The following GP2 variants were observed in gnomAD, a reference collection of about 807,000 sequenced individuals.
GP2 encodes the protein glycoprotein 2, also known as pancreatic secretory granule membrane major glycoprotein GP2.
A neutral mutation model predicts 60.8 loss-of-function variants in GP2; 58 were observed. That is an observed-to-expected ratio of 0.95 (90% CI 0.77 to 1.19). GP2 has a LOEUF of 1.19. GP2 is among the 50% of genes most tolerant of loss of function. GP2 has a pLI of 0.00. For missense variants in GP2, 647 were observed against 667.4 expected, an observed-to-expected ratio of 0.97 and a Z score of 0.34; for synonymous variants, 280 against 253.4, an observed-to-expected ratio of 1.10 and a Z score of -1.00.
In GP2 at chr16:20,323,775, A is replaced by T. The variant is rs1313145088; in HGVS notation, c.535+41T>A. ...CTCTACTGAGCCTGGGAGGCATCTC[A>T]TTGGCTGTGTAGCTGCCTCCTCCAG... On this transcript the variant is annotated intron_variant, in intron 3 of 10. Transcript: ENST00000302555. 3.0e-6 allele frequency: 4 copies of T among 1,341,802 alleles called. No individual in the cohort carries two copies. In the African/African-American group the frequency reaches 5.7e-5, roughly 19 times the overall value. The allele number at this position is 1,341,802 out of a possible 1,614,324, so 83.1% of individuals were successfully genotyped here. A position where few individuals can be genotyped will look rare whatever the true frequency, so the allele number is the denominator to read the frequency against.
rs138458214 is a variant in GP2, at chr16:20,311,268, G to C, written c.1560C>G (p.Ala520=). 6.2e-7 allele frequency: 1 copy of C among 1,606,088 alleles called. No homozygotes were observed. The highest frequency in any genetic ancestry group is 1.7e-5 in the Admixed American group (1 of 60,000). The change falls in exon 11 of 11, where the codon GCC becomes GCG. Residue 520 remains alanine, a synonymous_variant. Coordinates refer to ENST00000302555, the MANE Select transcript of GP2 (RefSeq NM_001502.4). ...GTPSTAGFLV[A]WPMVLLTVLL... ...GGACAGTCAGGAGGACCATAGGCCA[G>C]GCCACCAGGAACCCTGAAATACAAG...
In GP2 at chr16:20,320,456, G is replaced by T; in HGVS notation, c.664C>A (p.Pro222Thr). The change falls in exon 5 of 11, where the codon CCT becomes ACT. Residue 222 changes from proline to threonine, a missense_variant. Coordinates refer to ENST00000302555, the MANE Select transcript of GP2 (RefSeq NM_001502.4). ...TCCCTGGGCCCACAGTCTAGCTGAG[G>T]CTGCAAACTGTGGACATCTGCAAAG... ...LNSSDVHSLQ[P>T]QLDCGPREIK... 3.1e-6 allele frequency: 5 copies of T among 1,612,992 alleles called. No homozygotes were observed. The highest frequency in any genetic ancestry group is 4.2e-6 in the Non-Finnish European group (5 of 1,179,036).
chr16:20,326,531 G>A (rs1409791772), intron 1 of GP2, 64 bp from the exon 2 acceptor site: 27 of 1,309,432 alleles, frequency 2.1e-5, no homozygotes, highest in Middle Eastern at 1.9e-4. Context: ...AAACAGATCC[G>A]TTGACTTCCT....
intron 10 of GP2, among the ~76,000 whole-genome samples, chr16:20,312,012 C>T (rs1223825575): frequency 2.6e-5 from 4 of 152,334 alleles, no homozygotes; most frequent in African/African-American, 7.2e-5. Context: ...ATATTAATAG[C>T]AGCTGTGACT....
At chr16:20,319,194 A>G (rs893212265) in intron 6 of GP2, among the ~76,000 whole-genome samples, 1 of 152,136 alleles carries the variant, frequency 6.6e-6, no homozygotes, top group African/African-American at 2.4e-5. Flanking sequence ...CACCACCAAC[A>G]GGGGTCTGGA....
rs1334271138 is a variant in GP2 at position 20,324,033 on chromosome 16, G to T, written c.318C>A (p.Thr106=). The change falls in exon 3 of 11, where the codon ACC becomes ACA. Residue 106 remains threonine (T), a synonymous_variant. Coordinates refer to ENST00000302555, the MANE Select transcript of GP2 (RefSeq NM_001502.4). ...VGEGGVRMSE[T]CVQVHRCQTD... ...TCTGGCATCGGTGCACCTGGACACA[G>T]GTCTCCGACATCCTTACTCCTCCTT... is the stretch of plus-strand genomic sequence containing the variant. 8 of 1,613,886 alleles carry T rather than the reference G, an allele frequency of 5.0e-6. No individual in the cohort carries two copies. The highest frequency in any genetic ancestry group is 6.8e-6 in the Non-Finnish European group (8 of 1,179,828).
rs1278578919 is a variant in GP2 at position 20,318,388 on chromosome 16, G to A, written c.1050C>T (p.Val350=). The change falls in exon 7 of 11, where the codon GTC becomes GTT. Residue 350 remains valine, a synonymous_variant. Coordinates refer to ENST00000302555, the MANE Select transcript of GP2 (RefSeq NM_001502.4). ...VSVDGNGEFI[V]RMALFQDQNY... ...TCTGGTCTTGGAAGAGGGCCATCCT[G>A]ACAATGAACTCTCCATTCCCGTCCA... The A allele has an allele frequency of 1.2e-6, 2 of 1,612,768 alleles. No individual in the cohort carries two copies. The highest frequency in any genetic ancestry group is 2.2e-5 in the East Asian group (1 of 44,866).
Position 20,318,370 on chromosome 16 carries a change from T to C in GP2, c.1068A>G (p.Gln356=). 1 of 1,612,968 alleles carries C rather than the reference T, an allele frequency of 6.2e-7. No homozygotes were observed. Among genetic ancestry groups the C allele is most frequent in the Non-Finnish European group, 8.5e-7 (1 of 1,178,988 alleles). The change falls in exon 7 of 11, where the codon CAA becomes CAG. Residue 356 remains glutamine, a synonymous_variant. Coordinates refer to ENST00000302555, the MANE Select transcript of GP2 (RefSeq NM_001502.4). The part of the protein sequence containing the change: ...GEFIVRMALF[Q]DQNYTNPYEG... The stretch of plus-strand genomic sequence containing the variant: ...CGTAAGGATTCGTGTAGTTCTGGTC[T>C]TGGAAGAGGGCCATCCTGACAATGA...
chr16:20,323,242 G>A, intron 3 of GP2: 1 of 658,294 alleles, frequency 1.5e-6, no homozygotes, highest in Non-Finnish European at 2.8e-6. Flanking sequence ...AGAAAGGACA[G>A]CATGGTGGTT....
chr16:20,325,136 C>G (rs1384929287), intron 2 of GP2, among the ~76,000 whole-genome samples: 2 of 152,190 alleles, frequency 1.3e-5, no homozygotes, highest in Non-Finnish European at 2.9e-5. Flanking sequence ...AGACCACAGG[C>G]TGGTCAGGCT....
chr16:20,315,243 C>T (rs370878304), intron 9 of GP2, among the ~76,000 whole-genome samples: 19 of 152,292 alleles, frequency 1.2e-4, no homozygotes, highest in African/African-American at 4.6e-4. Context: ...CATATAAAGG[C>T]ATTTGACAAA....
At chr16:20,319,072 T>C (rs2141601071) in intron 6 of GP2, among the ~76,000 whole-genome samples, 1 of 152,200 alleles carries the variant, frequency 6.6e-6, no homozygotes, top group South Asian at 2.1e-4. Flanking sequence ...CCTGCCCAAA[T>C]TGCTATCTGA....
rs1207600285 is a variant in GP2 at position 20,327,261 on chromosome 16, C to A, written c.-37+206G>T. 8.9e-6 allele frequency: 3 copies of A among 336,476 alleles called. No individual in the cohort carries two copies. The East Asian group carries it at 2.3e-4, about 26-fold the overall frequency. 20.8% of individuals were successfully genotyped at this position (336,476 alleles called of 1,614,324 possible). On this transcript the variant is annotated intron_variant, in intron 1 of 10. Transcript: ENST00000302555. ...ATATCTGGGACAAGGAAGAGGGTGG[C>A]GTCCGTAGGCCTGGAGCATCGCAGA...
In GP2 at chr16:20,317,322, G is replaced by A. The variant is rs200607365; in HGVS notation, c.1307C>T (p.Ser436Leu). ...CATCTGAACTGAGAACCGGCTTTCC[G>A]AGGACTGCCCATTCTCCTCCACGTG... ...TIHVEENGQS[S>L]ESRFSVQMFM... is the part of the protein sequence containing the mutation. The change falls in exon 8 of 11, where the codon TCG (serine) becomes TTG (leucine). Residue 436 changes from serine to leucine, a missense_variant. Transcript: ENST00000302555. The A allele has an allele frequency of 4.0e-5, 64 of 1,613,394 alleles. No individual in the cohort carries two copies. Among genetic ancestry groups the A allele is most frequent in the South Asian group, 1.3e-4 (12 of 91,070 alleles).
intron 9 of GP2, among the ~76,000 whole-genome samples, chr16:20,314,956 G>A (rs1445421091): frequency 6.6e-6 from 1 of 152,222 alleles, no homozygotes; most frequent in Non-Finnish European, 1.5e-5. Flanking sequence ...GAAGACTGGA[G>A]CTCAGTGATG....
In GP2 at chr16:20,311,056, C is replaced by T. The variant is rs1458960489; in HGVS notation, c.*167G>A. On this transcript the variant is annotated 3_prime_UTR_variant, in exon 11 of 11. Coordinates refer to ENST00000302555, the MANE Select transcript of GP2 (RefSeq NM_001502.4). ...ACAGGCATGAGCCACTGCGCCCAGCCGAGAGTTTTAAAGAAGGTGAAAGCT... is the reference window on the plus strand; with the variant it reads ...ACAGGCATGAGCCACTGCGCCCAGCTGAGAGTTTTAAAGAAGGTGAAAGCT... 2.8e-5 allele frequency: 15 copies of T among 535,562 alleles called. No individual in the cohort carries two copies. Among genetic ancestry groups the T allele is most frequent in the African/African-American group, 3.9e-5 (2 of 51,074 alleles). The allele number at this position is 535,562 out of a possible 1,614,324, so 33.2% of individuals were successfully genotyped here.
chr16:20,322,057 T>C (rs1298314085), intron 4 of GP2, among the ~76,000 whole-genome samples: 1 of 152,202 alleles, frequency 6.6e-6, no homozygotes, highest in Non-Finnish European at 1.5e-5. Context: ...ACCCCTCATT[T>C]CCCAGGGTGC....
chr16:20,322,050 C>T (rs1232149290), intron 4 of GP2, among the ~76,000 whole-genome samples: 2 of 152,192 alleles, frequency 1.3e-5, no homozygotes, highest in South Asian at 2.1e-4. Flanking sequence ...GTTCCCTACC[C>T]CTCATTTCCC....
intron 4 of GP2, 60 bp from the exon 5 acceptor site, chr16:20,320,533 A>G: frequency 9.1e-7 from 1 of 1,094,296 alleles, no homozygotes. Context: ...CACTTTCCCT[A>G]CTCTTTGGTA....
Sources: allele counts gnomAD v4.1 joint callset (sites outside exome capture counted in the v4.1 genomes callset), GRCh38; gene constraint gnomAD v4.1.1; transcripts MANE v1.5; gene names NCBI Gene and HGNC (gene_info 2026-07-23, HGNC 2026-07-21).